Variants in NRG1 observed in about 807,000 individuals in gnomAD.
NRG1 encodes the protein neuregulin 1, also known as pro-neuregulin-1, membrane-bound isoform.
NRG1 carries 18 observed loss-of-function variants against 63.8 expected under a neutral mutation model. The observed-to-expected ratio is 0.28, with a 90% CI of 0.19 to 0.42. NRG1 has a LOEUF of 0.42. Ranked by LOEUF, NRG1 falls within the 10% of genes least tolerant of loss-of-function variation. NRG1 has a pLI of 1.00. For synonymous variants in NRG1, 302 were observed against 301.3 expected (o/e 1.00, Z -0.02); for missense variants, 762 against 814.7 (o/e 0.94, Z 0.79).
chr8:31,672,951 G>GTTT (rs5890593), intron 1 of NRG1, among the ~76,000 whole-genome samples: 9 of 143,072 alleles, frequency 6.3e-5, no homozygotes, highest in African/African-American at 1.3e-4. Flanking sequence ...TAGAATCATA[G>GTTT]TTTTTTTTTT....
rs952665927 is a variant in NRG1, at chr8:31,773,451, A to T, written c.37+134020A>T. 4.6e-5 allele frequency among the ~76,000 whole-genome samples: 7 copies of T among 152,218 alleles called. No individual in the cohort carries two copies. The East Asian group carries it at 1.3e-3, about 29-fold the overall frequency. ...TCATACCAGGAAGAAAACTGTCAAA[A>T]TATGTCATGAGTCCAACTAAAAACC... On this transcript the variant is annotated intron_variant, in intron 1 of 10. Transcript: ENST00000519301.
chr8:32,567,855 G>A (rs1184460741), intron 1 of NRG1, among the ~76,000 whole-genome samples: 1 of 152,214 alleles, frequency 6.6e-6, no homozygotes, highest in Non-Finnish European at 1.5e-5. Flanking sequence ...TTTTCCACTT[G>A]AATTGGCAGT....
chr8:31,703,767 G>A (rs1304385192), intron 1 of NRG1, among the ~76,000 whole-genome samples: 5 of 152,166 alleles, frequency 3.3e-5, no homozygotes, highest in Non-Finnish European at 7.4e-5. Flanking sequence ...TCAGGAATCT[G>A]AATTTTGAGA....
intron 1 of NRG1, among the ~76,000 whole-genome samples, chr8:32,583,217 A>G (rs1840999281): frequency 6.6e-6 from 1 of 152,288 alleles, no homozygotes; most frequent in East Asian, 1.9e-4. Context: ...TTAATTTTTA[A>G]AATATGCAAA....
intron 5 of NRG1, among the ~76,000 whole-genome samples, chr8:32,697,048 G>A (rs1268392083): frequency 6.6e-6 from 1 of 152,204 alleles, no homozygotes. Flanking sequence ...TAAGCTATAG[G>A]ATTAGATGGA....
chr8:32,389,499 C>T (rs1200702486), intron 1 of NRG1, among the ~76,000 whole-genome samples: 1 of 152,138 alleles, frequency 6.6e-6, no homozygotes, highest in Non-Finnish European at 1.5e-5. Flanking sequence ...TTCTTCATTT[C>T]ACTTGTCCGC....
intron 1 of NRG1, among the ~76,000 whole-genome samples, chr8:32,359,270 A>G (rs1273903474): frequency 6.6e-6 from 1 of 152,170 alleles, no homozygotes; most frequent in Non-Finnish European, 1.5e-5. Flanking sequence ...TGATTCATTC[A>G]CCCTTTTAAA....
intron 1 of NRG1, among the ~76,000 whole-genome samples, chr8:31,755,263 G>A (rs1439362213): frequency 6.6e-6 from 1 of 152,044 alleles, no homozygotes; most frequent in African/African-American, 2.4e-5. Context: ...ATATAAACAT[G>A]TCTATACCTG....
In NRG1 at chr8:31,732,488, T is replaced by C. The variant is rs950507384; in HGVS notation, c.37+93057T>C. On this transcript the variant is annotated intron_variant, in intron 1 of 10. Transcript: ENST00000519301. ...AGGTTCCTCCATTTTAATCTAGTTA[T>C]TTTTTTAAAAAAATTATAAGTATGA... Among the ~76,000 whole-genome samples, 34 of 152,132 alleles carry C rather than the reference T, an allele frequency of 2.2e-4. 2 individuals are homozygous for C. Among genetic ancestry groups the C allele is most frequent in the Admixed American group, 6.6e-5 (1 of 15,260 alleles).
chr8:31,658,133 T>C (rs1805613157), intron 1 of NRG1, among the ~76,000 whole-genome samples: 1 of 152,220 alleles, frequency 6.6e-6, no homozygotes, highest in South Asian at 2.1e-4. Flanking sequence ...GTGACCAGAA[T>C]TGACATTGTA....
chr8:32,169,800 A>G (rs761095267), intron 1 of NRG1, among the ~76,000 whole-genome samples: 7 of 152,192 alleles, frequency 4.6e-5, no homozygotes, highest in Non-Finnish European at 8.8e-5. Context: ...TTATTCTGTT[A>G]TGGGTTGAAT....
intron 1 of NRG1, among the ~76,000 whole-genome samples, chr8:32,519,217 A>G (rs1830106327): frequency 6.6e-6 from 1 of 152,190 alleles, no homozygotes; most frequent in African/African-American, 2.4e-5. Context: ...AAACTGGAAG[A>G]CATCAAATTC....
At chr8:32,507,669 T>C (rs1828692872) in intron 1 of NRG1, among the ~76,000 whole-genome samples, 3 of 152,218 alleles carry the variant, frequency 2.0e-5, no homozygotes, top group Admixed American at 2.0e-4. Flanking sequence ...CATTTGGAAG[T>C]AACTTGGTAG....
At chr8:32,604,086 A>T (rs1409267134) in intron 2 of NRG1, among the ~76,000 whole-genome samples, 1 of 152,150 alleles carries the variant, frequency 6.6e-6, no homozygotes, top group Non-Finnish European at 1.5e-5. Flanking sequence ...TACTGAAGGA[A>T]CTCTCATGAG....
At chr8:32,241,453 A>G (rs1305292690) in intron 1 of NRG1, among the ~76,000 whole-genome samples, 2 of 152,164 alleles carry the variant, frequency 1.3e-5, no homozygotes, top group Non-Finnish European at 2.9e-5. Flanking sequence ...GTTAATTTAC[A>G]AAGCCTCGGA....
chr8:32,403,080 C>T (rs969769592), intron 1 of NRG1, among the ~76,000 whole-genome samples: 1 of 151,698 alleles, frequency 6.6e-6, no homozygotes, highest in Non-Finnish European at 1.5e-5. Context: ...GGGTGGATCA[C>T]CCAAGGTCAG....
chr8:32,658,533 T>C (rs903247444), intron 5 of NRG1, among the ~76,000 whole-genome samples: 2 of 152,198 alleles, frequency 1.3e-5, no homozygotes, highest in Non-Finnish European at 2.9e-5. Flanking sequence ...GTTCTGATTG[T>C]ATTTTGGGTT....
intron 1 of NRG1, among the ~76,000 whole-genome samples, chr8:32,055,237 A>C (rs1426713017): frequency 1.3e-5 from 2 of 152,114 alleles, no homozygotes; most frequent in Non-Finnish European, 2.9e-5. Context: ...ATAAAGACAT[A>C]ATATGTGATA....
intron 1 of NRG1, among the ~76,000 whole-genome samples, chr8:32,342,407 TAGTCTA>T (rs1178433888): frequency 1.3e-5 from 2 of 152,206 alleles, no homozygotes; most frequent in Non-Finnish European, 2.9e-5. Flanking sequence ...TCCCAGGCAC[TAGTCTA>T]AGTCTTTTGC....
Sources: gnomAD v4.1 joint callset for allele counts (sites outside exome capture counted in the v4.1 genomes callset) on GRCh38, gnomAD v4.1.1 for gene constraint, MANE v1.5 for transcripts, NCBI Gene and HGNC (gene_info 2026-07-23, HGNC 2026-07-21) for gene names.